The following KIRREL3 variants were observed in gnomAD, a reference collection of about 807,000 sequenced individuals.
KIRREL3 encodes the protein kirre like nephrin family adhesion molecule 3.
KIRREL3 carries 36 observed loss-of-function variants against 89.7 expected under a neutral mutation model. That is an observed-to-expected ratio of 0.40 (90% confidence interval 0.31 to 0.53). The LOEUF (loss-of-function observed/expected upper bound fraction) is 0.53. KIRREL3 is among the 20% of genes least tolerant of loss of function. KIRREL3 has a pLI of 0.49. For missense variants in KIRREL3, 864 were observed against 1,056.6 expected, an observed-to-expected ratio of 0.82 and a Z score of 2.53; for synonymous variants, 445 against 441.4, an observed-to-expected ratio of 1.01 and a Z score of -0.10.
At chr11:126,730,447 G>A (rs1222224218) in intron 1 of KIRREL3, among the ~76,000 whole-genome samples, 1 of 152,216 alleles carries the variant, frequency 6.6e-6, no homozygotes, top group Non-Finnish European at 1.5e-5. Context: ...TCTTCAACCT[G>A]TGCCCATTCT....
chr11:126,765,123 C>T (rs759997721), intron 1 of KIRREL3, among the ~76,000 whole-genome samples: 1 of 152,172 alleles, frequency 6.6e-6, no homozygotes, highest in Non-Finnish European at 1.5e-5. Flanking sequence ...TTCAAGCCAT[C>T]TATGGTTGCA....
intron 1 of KIRREL3, among the ~76,000 whole-genome samples, chr11:126,881,240 A>C (rs530253226): frequency 6.6e-6 from 1 of 152,312 alleles, no homozygotes; most frequent in African/African-American, 2.4e-5. Context: ...TGAACTTTGC[A>C]TGCGACTCCC....
rs1950028711 is a variant in KIRREL3 at position 126,771,779 on chromosome 11, T to C, written c.56-208867A>G. On this transcript the variant is annotated intron_variant, in intron 1 of 16. Coordinates refer to ENST00000525144, the MANE Select transcript of KIRREL3 (RefSeq NM_032531.4). The surrounding 1 kb of genome is among the most constrained non-coding windows in gnomAD (Gnocchi z 4.4). ...CATCTTTATTAAAAAAACGTTTTCATGTGAAGCCACAGATTTGGCACTGGC... is the reference window on the plus strand; with the variant it reads ...CATCTTTATTAAAAAAACGTTTTCACGTGAAGCCACAGATTTGGCACTGGC... Among the ~76,000 whole-genome samples, 1 of 152,238 alleles carries C rather than the reference T, an allele frequency of 6.6e-6. No homozygotes were observed. The highest frequency in any genetic ancestry group is 2.4e-5 in the African/African-American group (1 of 41,468).
rs1361162942 is a variant in KIRREL3, at chr11:126,519,068, A to C, written c.433+2247T>G. 6.6e-6 allele frequency among the ~76,000 whole-genome samples: 1 copy of C among 152,198 alleles called. No individual in the cohort carries two copies. The highest frequency in any genetic ancestry group is 2.4e-5 in the African/African-American group (1 of 41,452). On this transcript the variant is annotated intron_variant, in intron 4 of 16. Transcript: ENST00000525144. The surrounding 1 kb of genome is among the most constrained non-coding windows in gnomAD (Gnocchi z 4.3). ...AGGGGACCCTGCTGGGGATCATGGA[A>C]ACTTCCTCTGCCCTCCTTCCGCTGA...
At position 126,909,839 on chromosome 11, in the gene KIRREL3, T is replaced by G. The variant is rs923248592; in HGVS notation, c.55+90616A>C. 6.6e-6 allele frequency among the ~76,000 whole-genome samples: 1 copy of G among 152,198 alleles called. No homozygotes were observed. Among genetic ancestry groups the G allele is most frequent in the Non-Finnish European group, 1.5e-5 (1 of 68,040 alleles). On this transcript the variant is annotated intron_variant, in intron 1 of 16. Coordinates refer to ENST00000525144, the MANE Select transcript of KIRREL3 (RefSeq NM_032531.4). This position sits in a 1 kb window ranked among gnomAD's most constrained non-coding sequence, Gnocchi z 4.5. Reference sequence around the variant, plus strand: ...TGGATTAATCCCTGGGAGGGTGTTATGCAAGATTCAGATATATGGTCTGTG... The same window carrying G: ...TGGATTAATCCCTGGGAGGGTGTTAGGCAAGATTCAGATATATGGTCTGTG...
chr11:126,975,478 G>A (rs1236710644), intron 1 of KIRREL3, among the ~76,000 whole-genome samples: 1 of 152,162 alleles, frequency 6.6e-6, no homozygotes, highest in Non-Finnish European at 1.5e-5. Flanking sequence ...TTCACAACCA[G>A]GGGTACAGAA....
intron 4 of KIRREL3, among the ~76,000 whole-genome samples, chr11:126,511,746 G>A (rs369399492): frequency 1.3e-5 from 2 of 152,214 alleles, no homozygotes; most frequent in Non-Finnish European, 1.5e-5. Context: ...ACTGGCTGCC[G>A]GGGGGAAGGC....
intron 1 of KIRREL3, among the ~76,000 whole-genome samples, chr11:126,602,907 G>C (rs1405958605): frequency 6.6e-6 from 1 of 152,164 alleles, no homozygotes; most frequent in Non-Finnish European, 1.5e-5. Context: ...GCAGGGCAAG[G>C]GGCAGGTAGG....
chr11:126,904,801 T>C lies in KIRREL3; in HGVS notation c.55+95654A>G, dbSNP rs1368428230. ...CAATATTTGTAGCATTCTCTTTGCG[T>C]CTGTAAGCATCAATGCTATTCCTCA... On this transcript the variant is annotated intron_variant, in intron 1 of 16. Coordinates refer to ENST00000525144, the MANE Select transcript of KIRREL3 (RefSeq NM_032531.4). This position sits in a 1 kb window ranked among gnomAD's most constrained non-coding sequence, Gnocchi z 4.4. 2.0e-5 allele frequency among the ~76,000 whole-genome samples: 3 copies of C among 152,220 alleles called. No homozygotes were observed. Among genetic ancestry groups the C allele is most frequent in the Non-Finnish European group, 4.4e-5 (3 of 68,050 alleles).
At position 126,609,240 on chromosome 11, in the gene KIRREL3, C is replaced by T. The variant is rs1591812461; in HGVS notation, c.56-46328G>A. On this transcript the variant is annotated intron_variant, in intron 1 of 16. Coordinates refer to ENST00000525144, the MANE Select transcript of KIRREL3 (RefSeq NM_032531.4). The surrounding 1 kb of genome is among the most constrained non-coding windows in gnomAD (Gnocchi z 5.0). ...CAGAAGGAGAGACTCTCCAGCCACACCTGTGAAGCTCCAGGCAGTTTCCCT... is the reference window on the plus strand; with the variant it reads ...CAGAAGGAGAGACTCTCCAGCCACATCTGTGAAGCTCCAGGCAGTTTCCCT... 2.6e-5 allele frequency among the ~76,000 whole-genome samples: 4 copies of T among 152,170 alleles called. No homozygotes were observed. The highest frequency in any genetic ancestry group is 2.6e-4 in the Admixed American group (4 of 15,280).
At chr11:126,937,759 C>T (rs1245922073) in intron 1 of KIRREL3, among the ~76,000 whole-genome samples, 17 of 152,092 alleles carry the variant, frequency 1.1e-4, no homozygotes, top group Admixed American at 6.5e-4. Context: ...ATCAGCCGGG[C>T]GTGGTGGCAG....
intron 1 of KIRREL3, among the ~76,000 whole-genome samples, chr11:126,854,560 CT>C (rs1313201676): frequency 2.6e-5 from 4 of 152,284 alleles, no homozygotes; most frequent in Non-Finnish European, 5.9e-5. Context: ...AATTTCCTTC[CT>C]TTTTAAAGCT....
rs1404971323 is a variant in KIRREL3, at chr11:126,805,700, T to C, written c.55+194755A>G. Reference sequence around the variant, plus strand: ...TATTACGTTTTTATTTACTACTATGTATGTAAATGAAAGAAAGAAAAGGGA... The same window carrying C: ...TATTACGTTTTTATTTACTACTATGCATGTAAATGAAAGAAAGAAAAGGGA... On this transcript the variant is annotated intron_variant, in intron 1 of 16. Coordinates refer to ENST00000525144, the MANE Select transcript of KIRREL3 (RefSeq NM_032531.4). The surrounding 1 kb of genome is among the most constrained non-coding windows in gnomAD (Gnocchi z 4.3). Among the ~76,000 whole-genome samples the C allele has an allele frequency of 1.3e-5, 2 of 152,152 alleles. No homozygotes were observed. Among genetic ancestry groups the C allele is most frequent in the Non-Finnish European group, 2.9e-5 (2 of 68,042 alleles).
rs1955153297 is a variant in KIRREL3, at chr11:126,432,041, G to A, written c.1589-515C>T. On this transcript the variant is annotated intron_variant, in intron 13 of 16. Coordinates refer to ENST00000525144, the MANE Select transcript of KIRREL3 (RefSeq NM_032531.4). The surrounding 1 kb of genome is among the most constrained non-coding windows in gnomAD (Gnocchi z 6.2). ...GACATCCGGCTCTTAGTGTTTGCAG[G>A]TCTAAGTAGCTTCCCCGCAGGTCTG... Among the ~76,000 whole-genome samples, 1 of 152,140 alleles carries A rather than the reference G, an allele frequency of 6.6e-6. No homozygotes were observed. Among genetic ancestry groups the A allele is most frequent in the Non-Finnish European group, 1.5e-5 (1 of 68,020 alleles).
Position 126,904,041 on chromosome 11 carries a change from G to A in KIRREL3, c.55+96414C>T, listed in dbSNP as rs952846689. 9.9e-5 allele frequency among the ~76,000 whole-genome samples: 15 copies of A among 152,118 alleles called. No individual in the cohort carries two copies. The highest frequency in any genetic ancestry group is 2.6e-4 in the Admixed American group (4 of 15,270). ...TGGCCTGGAGGTAATTCTCAAGCAG[G>A]GATTTCTGCACTGGGAGGAGGCCAG... On this transcript the variant is annotated intron_variant, in intron 1 of 16. Coordinates refer to ENST00000525144, the MANE Select transcript of KIRREL3 (RefSeq NM_032531.4). The surrounding 1 kb of genome is among the most constrained non-coding windows in gnomAD (Gnocchi z 4.4).
intron 1 of KIRREL3, among the ~76,000 whole-genome samples, chr11:126,625,608 C>G (rs887455807): frequency 6.6e-6 from 1 of 152,200 alleles, no homozygotes; most frequent in Admixed American, 6.5e-5. Flanking sequence ...TATTCACAAT[C>G]TCTCCCCCAA....
intron 1 of KIRREL3, among the ~76,000 whole-genome samples, chr11:126,730,634 C>T (rs1948580514): frequency 6.6e-6 from 1 of 152,228 alleles, no homozygotes; most frequent in Non-Finnish European, 1.5e-5. Context: ...AGGGATGGAG[C>T]TGAACACGAT....
intron 1 of KIRREL3, among the ~76,000 whole-genome samples, chr11:126,822,202 TAC>T: frequency 6.6e-6 from 1 of 152,354 alleles, no homozygotes; most frequent in East Asian, 1.9e-4. Context: ...AATTGCCTAG[TAC>T]ACATGAAGTG....
chr11:126,511,076 T>TGTGTGTGTGTG (rs1555129719), intron 4 of KIRREL3, among the ~76,000 whole-genome samples: 5 of 150,010 alleles, frequency 3.3e-5, no homozygotes, highest in South Asian at 4.2e-4. Flanking sequence ...TGTGTGTGTG[T>TGTGTGTGTGTG]TGGAGCAGAA....
Sources: gnomAD v4.1 joint callset for allele counts (sites outside exome capture counted in the v4.1 genomes callset) on GRCh38, gnomAD v4.1.1 for gene constraint, Gnocchi (gnomAD v3.1) non-coding constraint, MANE v1.5 for transcripts, NCBI Gene and HGNC (gene_info 2026-07-23, HGNC 2026-07-21) for gene names.